LRRK2: variants seen among roughly 807,000 people sequenced by gnomAD.
LRRK2 encodes the protein leucine rich repeat kinase 2.
LRRK2 carries 203 observed loss-of-function variants against 302.6 expected under a neutral mutation model. That is an observed-to-expected ratio of 0.67 (90% confidence interval 0.60 to 0.75). The LOEUF (loss-of-function observed/expected upper bound fraction) is 0.75. Ranked by LOEUF, LRRK2 falls within the 30% of genes least tolerant of loss-of-function variation. The pLI, the probability that LRRK2 is intolerant of heterozygous loss-of-function variation, is 0.00. For synonymous variants in LRRK2, 1,066 were observed against 1,031.9 expected (o/e 1.03, Z -0.63); for missense variants, 2,830 against 2,951.0 (o/e 0.96, Z 0.95).
chr12:40,272,933 G>A (rs1434943050), intron 14 of LRRK2, among the ~76,000 whole-genome samples: 1 of 152,040 alleles, frequency 6.6e-6, no homozygotes, highest in African/African-American at 2.4e-5. Flanking sequence ...AAAGAGAGGA[G>A]CGATTAAGGG....
intron 27 of LRRK2, chr12:40,304,500 A>G (rs778735835): frequency 5.5e-5 from 13 of 237,520 alleles, no homozygotes; most frequent in East Asian, 1.8e-4. Context: ...CAACATTTGT[A>G]CAAAGTAAAA....
intron 7 of LRRK2, 28 bp from the exon 8 acceptor site, chr12:40,249,798 T>G (rs201502397): frequency 1.9e-6 from 3 of 1,612,016 alleles, no homozygotes; most frequent in African/African-American, 2.7e-5. Context: ...TGGATGAGAA[T>G]TCAGCTAATG....
intron 41 of LRRK2, among the ~76,000 whole-genome samples, chr12:40,342,987 T>A (rs1185405172): frequency 6.6e-6 from 1 of 152,168 alleles, no homozygotes; most frequent in Admixed American, 6.5e-5. Context: ...GTGCTATTAT[T>A]ATTTCTAGTC....
At chr12:40,292,912 GT>G (rs1440345248) in intron 20 of LRRK2, among the ~76,000 whole-genome samples, 3 of 151,574 alleles carry the variant, frequency 2.0e-5, no homozygotes, top group Non-Finnish European at 4.4e-5. Context: ...CAAATTTATT[GT>G]GTTTATTTTA....
intron 33 of LRRK2, among the ~76,000 whole-genome samples, chr12:40,316,736 A>T (rs965402936): frequency 3.9e-5 from 6 of 152,066 alleles, no homozygotes; most frequent in Non-Finnish European, 8.8e-5. Context: ...AGGAAATTTT[A>T]AAAAATTCAG....
intron 35 of LRRK2, among the ~76,000 whole-genome samples, chr12:40,321,406 T>C (rs1409955116): frequency 6.6e-6 from 1 of 152,032 alleles, no homozygotes. Flanking sequence ...ATCTAATTTG[T>C]CAGGAAGAAA....
At chr12:40,287,327 T>A in intron 19 of LRRK2, 24 bp from the exon 20 acceptor site, 2 of 1,584,942 alleles carry the variant, frequency 1.3e-6, no homozygotes, top group Non-Finnish European at 1.7e-6. Context: ...ATTTCTAAGT[T>A]GCTGGTGTAT....
At chr12:40,240,665 A>C (rs953030210) in intron 6 of LRRK2, 48 bp downstream of exon 6, 1 of 1,527,088 alleles carries the variant, frequency 6.5e-7, no homozygotes, top group Non-Finnish European at 9.1e-7. Context: ...GAAAAATTAC[A>C]ATATATCTCA....
chr12:40,301,802 CTG>C lies in LRRK2; in HGVS notation c.3497-982_3497-981del, dbSNP rs564477004. On this transcript the variant is annotated intron_variant, in intron 25 of 50. Coordinates refer to ENST00000298910, the MANE Select transcript of LRRK2 (RefSeq NM_198578.4). Reference sequence around the variant, plus strand: ...ACTCTTTTACAGATAAGAAAAGAGACTGTGTGATTTTCTGTTTCCCAAATTGT... The same window carrying C: ...ACTCTTTTACAGATAAGAAAAGAGACTGTGATTTTCTGTTTCCCAAATTGT... 2.6e-4 allele frequency among the ~76,000 whole-genome samples: 39 copies of C among 152,248 alleles called. No individual in the cohort carries two copies. The East Asian group carries it at 5.6e-3, about 22-fold the overall frequency.
intron 49 of LRRK2, chr12:40,366,645 CTAAA>C (rs1255994027): frequency 2.1e-5 from 5 of 239,430 alleles, no homozygotes; most frequent in Non-Finnish European, 4.1e-5. Flanking sequence ...CATATTTGTA[CTAAA>C]TACTCATATT....
At chr12:40,311,762 A>G (rs1270022158) in intron 31 of LRRK2, among the ~76,000 whole-genome samples, 1 of 152,124 alleles carries the variant, frequency 6.6e-6, no homozygotes, top group African/African-American at 2.4e-5. Flanking sequence ...GAGAATTTGT[A>G]TGTTTGTATC....
chr12:40,326,499 A>G (rs17444096), intron 38 of LRRK2, among the ~76,000 whole-genome samples: 1 of 151,548 alleles, frequency 6.6e-6, no homozygotes, highest in Non-Finnish European at 1.5e-5. Flanking sequence ...GAAAAAAAAA[A>G]CAACTAGAAG....
intron 18 of LRRK2, among the ~76,000 whole-genome samples, chr12:40,280,662 T>TAA (rs1237729798): frequency 1.0e-4 from 15 of 149,964 alleles, no homozygotes; most frequent in African/African-American, 1.5e-4. Context: ...TAAAATAAAA[T>TAA]AATATAATAA....
rs1163797445 is a variant in LRRK2, at chr12:40,321,857, T to C, written c.5171-178T>C. ...TAATGTGCAGGGGATTTAACTCTTTTTATTGTAAAGTTGTGGATAAAATAT... is the reference window on the plus strand; with the variant it reads ...TAATGTGCAGGGGATTTAACTCTTTCTATTGTAAAGTTGTGGATAAAATAT... On this transcript the variant is annotated intron_variant, in intron 35 of 50. Coordinates refer to ENST00000298910, the MANE Select transcript of LRRK2 (RefSeq NM_198578.4). Among the ~76,000 whole-genome samples, 49 of 152,076 alleles carry C rather than the reference T, an allele frequency of 3.2e-4. 1 individual carries two copies. Among genetic ancestry groups the C allele is most frequent in the Admixed American group, 3.2e-3 (49 of 15,248 alleles).
Position 40,264,038 on chromosome 12 carries a change from A to G in LRRK2, c.1656+137A>G, listed in dbSNP as rs1301307498. Reference sequence around the variant, plus strand: ...GAGGAAGTCATGTGGTTAGAGACATAAGATGACAGTGGGGATGTGGGAAGT... The same window carrying G: ...GAGGAAGTCATGTGGTTAGAGACATGAGATGACAGTGGGGATGTGGGAAGT... On this transcript the variant is annotated intron_variant, in intron 14 of 50. Coordinates refer to ENST00000298910, the MANE Select transcript of LRRK2 (RefSeq NM_198578.4). The G allele has an allele frequency of 1.1e-5, 7 of 651,464 alleles. No homozygotes were observed. In the African/African-American group the frequency reaches 1.3e-4, roughly 12 times the overall value. 40.4% of individuals were successfully genotyped at this position (651,464 alleles called of 1,614,324 possible).
At chr12:40,260,960 G>T (rs927668046) in intron 13 of LRRK2, among the ~76,000 whole-genome samples, 7 of 152,134 alleles carry the variant, frequency 4.6e-5, no homozygotes, top group African/African-American at 1.7e-4. Flanking sequence ...TAGTTATATA[G>T]GTATTTTGTT....
intron 35 of LRRK2, 92 bp downstream of exon 35, chr12:40,321,280 A>C: frequency 8.5e-7 from 1 of 1,182,636 alleles, no homozygotes; most frequent in South Asian, 1.4e-5. Flanking sequence ...GCATATGAAA[A>C]GTAATATGCC....
At chr12:40,229,716 C>A (rs576704913) in intron 2 of LRRK2, among the ~76,000 whole-genome samples, 8 of 152,242 alleles carry the variant, frequency 5.3e-5, no homozygotes, top group Admixed American at 2.6e-4. Context: ...AAGATGGGAA[C>A]CTTCTCTCTT....
chr12:40,249,442 G>C (rs1295375349), intron 7 of LRRK2, among the ~76,000 whole-genome samples: 1 of 150,822 alleles, frequency 6.6e-6, no homozygotes, highest in East Asian at 1.9e-4. Flanking sequence ...ATTTAATATT[G>C]GGTCTTCCAA....
Sources: gnomAD v4.1 joint callset for allele counts (sites outside exome capture counted in the v4.1 genomes callset) on GRCh38, gnomAD v4.1.1 for gene constraint, MANE v1.5 for transcripts, NCBI Gene and HGNC (gene_info 2026-07-23, HGNC 2026-07-21) for gene names.